Variants in HDAC1 observed in about 807,000 individuals in gnomAD.
HDAC1 encodes the protein protein deacetylase HDAC1.
Under a neutral mutation model 65.5 loss-of-function variants are expected in HDAC1, and 18 were observed. The ratio of observed to expected loss-of-function variants is 0.27; its 90% CI spans 0.19 to 0.41. The LOEUF is 0.41. HDAC1 is among the 10% of genes least tolerant of loss of function. HDAC1 has a pLI of 1.00. For synonymous variants in HDAC1, 211 were observed against 227.9 expected, an observed-to-expected ratio of 0.93 and a Z score of 0.67; for missense variants, 373 against 625.2, an observed-to-expected ratio of 0.60 and a Z score of 4.30.
chr1:32,327,584 C>T lies in HDAC1; in HGVS notation c.543C>T (p.Asp181=), dbSNP rs573557531. Residue 181 remains aspartate (D), a synonymous_variant, in exon 6 of 14, where the codon GAC becomes GAT. Coordinates refer to ENST00000373548, the MANE Select transcript of HDAC1 (RefSeq NM_004964.3). The surrounding 1 kb of genome is among the most constrained non-coding windows in gnomAD (Gnocchi z 6.0). ...LYIDIDIHHG[D]GVEEAFYTTD... is the part of the protein sequence containing the mutation. ...TTGACATTGATATTCACCATGGTGA[C>T]GGCGTGGAAGAGGCCTTCTACACCA... 8 of 1,611,262 alleles carry T rather than the reference C, an allele frequency of 5.0e-6. No individual in the cohort carries two copies. The Admixed American group carries it at 5.0e-5, about 10-fold the overall frequency.
At chr1:32,313,296 T>C (rs1038635155) in intron 2 of HDAC1, among the ~76,000 whole-genome samples, 1 of 151,800 alleles carries the variant, frequency 6.6e-6, no homozygotes, top group Non-Finnish European at 1.5e-5. Context: ...GGTTTCGCTG[T>C]GTTGGCCAGG....
Position 32,310,855 on chromosome 1 carries a change from G to A in HDAC1, c.163-5810G>A, listed in dbSNP as rs72878735. ...CAAGAGTGAAAGTCGGTGAAAAAAA[G>A]AAAAAAAAAATAGAGAGACAGAAAG... On this transcript the variant is annotated intron_variant, in intron 2 of 13. Transcript: ENST00000373548. Among the ~76,000 whole-genome samples the A allele has an allele frequency of 5.1e-3, 637 of 124,444 alleles. 4 individuals are homozygous for A. The highest frequency in any genetic ancestry group is 0.015 in the African/African-American group (521 of 34,988). 81.6% of individuals were successfully genotyped at this position (124,444 alleles called of 152,430 possible).
chr1:32,292,526 C>A, intron 1 of HDAC1: 1 of 753,214 alleles, frequency 1.3e-6, no homozygotes, highest in Non-Finnish European at 1.6e-6. Flanking sequence ...AGCGGGGAGG[C>A]TGAATCTGAT....
At chr1:32,316,821 G>A (rs370709371) in intron 3 of HDAC1, 39 bp downstream of exon 3, 2 of 1,261,576 alleles carry the variant, frequency 1.6e-6, no homozygotes, top group East Asian at 4.6e-5. Flanking sequence ...GAAGCCGCCA[G>A]TTGCATCTCC....
intron 2 of HDAC1, among the ~76,000 whole-genome samples, chr1:32,310,901 A>G (rs1570015925): frequency 2.6e-5 from 4 of 151,640 alleles, no homozygotes; most frequent in African/African-American, 7.2e-5. Flanking sequence ...AGGGAGGGAG[A>G]GAGAGAAAGA....
rs561266694 is a variant in HDAC1 at position 32,314,004 on chromosome 1, A to G, written c.163-2661A>G. On this transcript the variant is annotated intron_variant, in intron 2 of 13. Coordinates refer to ENST00000373548, the MANE Select transcript of HDAC1 (RefSeq NM_004964.3). ...AAGTAGACAATAATCATACAGATGC[A>G]CAACAATAAAAGATGTGATACAGAA... Among the ~76,000 whole-genome samples the G allele has an allele frequency of 3.3e-5, 5 of 152,314 alleles. No homozygotes were observed. In the East Asian group the frequency reaches 9.6e-4, roughly 29 times the overall value.
intron 1 of HDAC1, among the ~76,000 whole-genome samples, chr1:32,294,818 CT>C (rs76948947): frequency 0.01 from 1,416 of 138,996 alleles, 20 homozygotes; most frequent in East Asian, 0.049. Context: ...CCGGCCCCAA[CT>C]TTTTTTTTTT....
chr1:32,298,058 G>T (rs1440210919), intron 1 of HDAC1, among the ~76,000 whole-genome samples: 2 of 148,900 alleles, frequency 1.3e-5, no homozygotes, highest in African/African-American at 2.5e-5. Flanking sequence ...CAAAGTGGTG[G>T]GATTACAGGC....
intron 2 of HDAC1, among the ~76,000 whole-genome samples, chr1:32,316,244 A>T (rs936751790): frequency 1.3e-5 from 2 of 151,868 alleles, no homozygotes; most frequent in African/African-American, 4.9e-5. Flanking sequence ...AGATTGCGCC[A>T]CTGCACTCTA....
intron 2 of HDAC1, among the ~76,000 whole-genome samples, chr1:32,316,147 G>A (rs961668272): frequency 4.6e-5 from 7 of 151,308 alleles, no homozygotes; most frequent in East Asian, 2.0e-4. Context: ...AGCCGGGCGT[G>A]GTGGTGGGCG....
At chr1:32,332,442 A>G (rs1380678653) in intron 12 of HDAC1, among the ~76,000 whole-genome samples, 200 bp downstream of exon 12, 1 of 152,108 alleles carries the variant, frequency 6.6e-6, no homozygotes, top group Non-Finnish European at 1.5e-5. Flanking sequence ...GCTCTCACAT[A>G]CCACCCCAGC....
At chr1:32,317,903 C>G (rs926287168) in intron 3 of HDAC1, among the ~76,000 whole-genome samples, 7 of 152,188 alleles carry the variant, frequency 4.6e-5, no homozygotes, top group Non-Finnish European at 1.0e-4. Context: ...AGAAAATAAG[C>G]TTTCATGTCT....
At chr1:32,316,583 A>T in intron 2 of HDAC1, 82 bp from the exon 3 acceptor site, 1 of 792,150 alleles carries the variant, frequency 1.3e-6, no homozygotes, top group Non-Finnish European at 2.3e-6. Flanking sequence ...CATGCTGCGC[A>T]GGAAATATAA....
Position 32,329,505 on chromosome 1 carries a change from T to C in HDAC1, c.729+345T>C, listed in dbSNP as rs145517956. ...GGGCTGCTGGGAGATTATTGTGTTCTTTTGGTAGTGGTATGTCTCCTTGGT... is the reference window on the plus strand; with the variant it reads ...GGGCTGCTGGGAGATTATTGTGTTCCTTTGGTAGTGGTATGTCTCCTTGGT... On this transcript the variant is annotated intron_variant, in intron 7 of 13. Transcript: ENST00000373548. This position sits in a 1 kb window ranked among gnomAD's most constrained non-coding sequence, Gnocchi z 4.1. The C allele has an allele frequency of 1.3e-3, 503 of 375,906 alleles. 2 individuals carry two copies. The Middle Eastern group carries it at 0.018, about 13-fold the overall frequency. 23.3% of individuals were successfully genotyped at this position (375,906 alleles called of 1,614,324 possible). A position where few individuals can be genotyped will look rare whatever the true frequency, so the allele number is the denominator to read the frequency against.
chr1:32,311,610 T>C (rs1258541298), intron 2 of HDAC1, among the ~76,000 whole-genome samples: 2 of 152,098 alleles, frequency 1.3e-5, no homozygotes, highest in Non-Finnish European at 2.9e-5. Context: ...ATGAGAGAGA[T>C]TGGCAATGGA....
At chr1:32,305,235 T>C (rs1045841245) in intron 2 of HDAC1, among the ~76,000 whole-genome samples, 2 of 152,202 alleles carry the variant, frequency 1.3e-5, no homozygotes, top group Non-Finnish European at 2.9e-5. Context: ...TTCTAGTCTG[T>C]TATCTCTTTG....
chr1:32,333,128 G>T lies in HDAC1; in HGVS notation c.*84G>T. On this transcript the variant is annotated 3_prime_UTR_variant, in exon 14 of 14. Coordinates refer to ENST00000373548, the MANE Select transcript of HDAC1 (RefSeq NM_004964.3). Reference sequence around the variant, plus strand: ...CAGATTTTATATTTTCTATTTCTCTGTGTATTTATATAAAAATTTATTAAA... The same window carrying T: ...CAGATTTTATATTTTCTATTTCTCTTTGTATTTATATAAAAATTTATTAAA... 1.9e-6 allele frequency: 2 copies of T among 1,071,134 alleles called. No individual in the cohort carries two copies. The highest frequency in any genetic ancestry group is 1.4e-6 in the Non-Finnish European group (1 of 738,872). 66.4% of individuals were successfully genotyped at this position (1,071,134 alleles called of 1,614,324 possible). A position where few individuals can be genotyped will look rare whatever the true frequency, so the allele number is the denominator to read the frequency against.
At chr1:32,299,231 A>G (rs561277918) in intron 1 of HDAC1, among the ~76,000 whole-genome samples, 3 of 152,194 alleles carry the variant, frequency 2.0e-5, no homozygotes, top group Admixed American at 6.6e-5. Flanking sequence ...GCATTTGTCA[A>G]TGTGTATAGG....
chr1:32,320,038 G>A (rs1641118680), intron 3 of HDAC1, among the ~76,000 whole-genome samples: 1 of 151,968 alleles, frequency 6.6e-6, no homozygotes, highest in African/African-American at 2.4e-5. Flanking sequence ...CTAACACGGT[G>A]AAACCCCGTC....
Sources: allele counts gnomAD v4.1 joint callset (sites outside exome capture counted in the v4.1 genomes callset), GRCh38; gene constraint gnomAD v4.1.1; non-coding constraint Gnocchi (gnomAD v3.1); transcripts MANE v1.5; gene names NCBI Gene and HGNC (gene_info 2026-07-23, HGNC 2026-07-21).